The following AHCYL2 variants were observed in gnomAD, a reference collection of about 807,000 sequenced individuals.
AHCYL2 encodes S-adenosylhomocysteine hydrolase-like protein 2.
Under a neutral mutation model 81.4 loss-of-function variants are expected in AHCYL2, and 28 were observed. The ratio of observed to expected loss-of-function variants is 0.34; its 90% CI spans 0.25 to 0.47. The LOEUF (loss-of-function observed/expected upper bound fraction) is 0.47, where lower values mean the gene tolerates loss of function less well. Among genes scored for constraint, AHCYL2 ranks in the 20% least tolerant of loss-of-function variants. The pLI, the probability that AHCYL2 is intolerant of heterozygous loss-of-function variation, is 1.00. For synonymous variants in AHCYL2, 272 were observed against 290.2 expected (o/e 0.94, Z 0.64); for missense variants, 551 against 785.1 (o/e 0.70, Z 3.56).
At chr7:129,305,527 TTTG>T (rs879741441) in intron 1 of AHCYL2, among the ~76,000 whole-genome samples, 1 of 152,194 alleles carries the variant, frequency 6.6e-6, no homozygotes, top group Non-Finnish European at 1.5e-5. Flanking sequence ...TTTCTAATTT[TTTG>T]TTGTTTCTAT....
chr7:129,249,725 T>G (rs1257383859), intron 1 of AHCYL2, among the ~76,000 whole-genome samples: 2 of 152,230 alleles, frequency 1.3e-5, no homozygotes, highest in Non-Finnish European at 2.9e-5. Context: ...GTGCCTGGCC[T>G]AAACATTGTC....
chr7:129,276,629 A>T (rs1472846380), intron 1 of AHCYL2, among the ~76,000 whole-genome samples: 1 of 151,298 alleles, frequency 6.6e-6, no homozygotes, highest in East Asian at 1.9e-4. Context: ...GGCACCTGTA[A>T]TCCCAGCTAC....
intron 1 of AHCYL2, among the ~76,000 whole-genome samples, chr7:129,303,733 G>A (rs1293374895): frequency 6.6e-6 from 1 of 152,094 alleles, no homozygotes; most frequent in Non-Finnish European, 1.5e-5. Flanking sequence ...AAGATGCATT[G>A]TTAGGCTATT....
chr7:129,363,190 A>G (rs879875447), intron 1 of AHCYL2, among the ~76,000 whole-genome samples: 1 of 152,092 alleles, frequency 6.6e-6, no homozygotes, highest in African/African-American at 2.4e-5. Flanking sequence ...GAAGTTGCCA[A>G]CTCCTCACCT....
intron 1 of AHCYL2, among the ~76,000 whole-genome samples, chr7:129,284,161 A>G (rs1584742203): frequency 6.6e-6 from 1 of 152,306 alleles, no homozygotes. Context: ...GAAGTAATAA[A>G]CGAAAGAAAG....
chr7:129,285,701 T>C (rs995043648), intron 1 of AHCYL2, among the ~76,000 whole-genome samples: 12 of 144,958 alleles, frequency 8.3e-5, no homozygotes, highest in South Asian at 2.2e-4. Flanking sequence ...TCTCTCTTTT[T>C]TTTTTTTTTT....
chr7:129,416,664 G>T (rs557814489), intron 12 of AHCYL2, among the ~76,000 whole-genome samples: 1 of 152,210 alleles, frequency 6.6e-6, no homozygotes, highest in South Asian at 2.1e-4. Flanking sequence ...GCTGGGCGTG[G>T]TGGTGGGCGC....
chr7:129,354,839 G>A (rs1466794693), intron 1 of AHCYL2, among the ~76,000 whole-genome samples: 3 of 152,156 alleles, frequency 2.0e-5, no homozygotes, highest in Non-Finnish European at 4.4e-5. Context: ...AGCTCCCGTA[G>A]GAAATAATTG....
In AHCYL2 at chr7:129,225,109, C is replaced by A; in HGVS notation, c.33C>A (p.Ala11=). 1 of 1,600,166 alleles carries A rather than the reference C, an allele frequency of 6.2e-7. No individual in the cohort carries two copies. Among genetic ancestry groups the A allele is most frequent in the Non-Finnish European group, 8.5e-7 (1 of 1,174,616 alleles). Residue 11 remains alanine (A), a synonymous_variant, in exon 1 of 17, where the codon GCC becomes GCA. Transcript: ENST00000325006. The stretch of plus-strand genomic sequence containing the variant: ...TGCAGGTTGTGTCAGCCGCGGCTGC[C>A]GCCAAGGTGCCTGAGGTGGAGCTGA... MSVQVVSAAA[A]AKVPEVELKD... is the part of the protein sequence containing the mutation.
intron 1 of AHCYL2, among the ~76,000 whole-genome samples, chr7:129,352,937 C>CTT (rs59762582): frequency 0.036 from 2,985 of 82,314 alleles, 48 homozygotes; most frequent in Non-Finnish European, 0.048. Context: ...CCTCCTCATT[C>CTT]TTTTTTTTTT....
intron 1 of AHCYL2, among the ~76,000 whole-genome samples, chr7:129,287,992 A>G (rs1796695297): frequency 6.6e-6 from 1 of 152,222 alleles, no homozygotes; most frequent in Non-Finnish European, 1.5e-5. Context: ...ATATCTCTAA[A>G]GATAAAGACC....
At chr7:129,260,387 C>T (rs1795582411) in intron 1 of AHCYL2, among the ~76,000 whole-genome samples, 2 of 152,174 alleles carry the variant, frequency 1.3e-5, no homozygotes, top group South Asian at 4.1e-4. Flanking sequence ...GTGATTCCTG[C>T]CCTTCAATAT....
At chr7:129,300,059 A>C (rs1406870382) in intron 1 of AHCYL2, among the ~76,000 whole-genome samples, 1 of 152,180 alleles carries the variant, frequency 6.6e-6, no homozygotes, top group African/African-American at 2.4e-5. Flanking sequence ...AGTTTATGGA[A>C]TATTTGATAC....
chr7:129,236,375 A>G (rs1794644941), intron 1 of AHCYL2, among the ~76,000 whole-genome samples: 2 of 150,820 alleles, frequency 1.3e-5, no homozygotes, highest in Admixed American at 6.6e-5. Context: ...TAATTTTTGT[A>G]TTTTTCATAG....
intron 1 of AHCYL2, among the ~76,000 whole-genome samples, chr7:129,330,961 A>C (rs1422015895): frequency 6.6e-6 from 1 of 152,198 alleles, no homozygotes; most frequent in Non-Finnish European, 1.5e-5. Flanking sequence ...ATGAGACTGA[A>C]AAGGTACTGT....
chr7:129,250,901 T>C (rs1795225441), intron 1 of AHCYL2, among the ~76,000 whole-genome samples: 1 of 152,226 alleles, frequency 6.6e-6, no homozygotes, highest in Non-Finnish European at 1.5e-5. Flanking sequence ...AAATTACTCA[T>C]CTAAATTTGC....
chr7:129,328,911 C>G (rs1370837569), intron 1 of AHCYL2, among the ~76,000 whole-genome samples: 1 of 152,110 alleles, frequency 6.6e-6, no homozygotes, highest in Non-Finnish European at 1.5e-5. Context: ...TGTTTTTCTC[C>G]TTTATTTTCT....
chr7:129,274,664 G>A (rs528906661), intron 1 of AHCYL2, among the ~76,000 whole-genome samples: 7 of 152,082 alleles, frequency 4.6e-5, no homozygotes, highest in Non-Finnish European at 1.0e-4. Flanking sequence ...GCCTGTGCCC[G>A]TTGGAATCCT....
intron 1 of AHCYL2, among the ~76,000 whole-genome samples, chr7:129,267,230 G>GGTGTGTGTGTGTGTGTAT (rs1554472003): frequency 1.7e-5 from 1 of 59,160 alleles, no homozygotes; most frequent in Non-Finnish European, 4.3e-5. Context: ...TCACTCAAGG[G>GGTGTGTGTGTGTGTGTAT]GTGTGTGTGT....
Sources: allele counts gnomAD v4.1 joint callset (sites outside exome capture counted in the v4.1 genomes callset), GRCh38; gene constraint gnomAD v4.1.1; transcripts MANE v1.5; gene names NCBI Gene and HGNC (gene_info 2026-07-23, HGNC 2026-07-21).